CCDC171: variants seen among roughly 807,000 people sequenced by gnomAD.
CCDC171 encodes the protein coiled-coil domain-containing protein 171.
Under a neutral mutation model 168.2 loss-of-function variants are expected in CCDC171, and 177 were observed. The ratio of observed to expected loss-of-function variants is 1.05; its 90% confidence interval spans 0.93 to 1.19. CCDC171 has a LOEUF of 1.19. Among genes scored for constraint, CCDC171 ranks in the 50% most tolerant of loss-of-function variants. CCDC171 has a pLI of 0.00. For synonymous variants in CCDC171, 687 were observed against 540.8 expected (o/e 1.27, Z -3.75); for missense variants, 1,991 against 1,539.0 (o/e 1.29, Z -4.91).
the CCDC171 span, among the ~76,000 whole-genome samples, chr9:16,093,104 A>G: frequency 6.6e-6 from 1 of 152,244 alleles, no homozygotes; most frequent in South Asian, 2.1e-4. Context: ...GGAACCAGAC[A>G]CAACACACCC....
chr9:16,034,972 G>C (rs572887143), intron 6 of CCDC171, among the ~76,000 whole-genome samples: 1 of 152,274 alleles, frequency 6.6e-6, no homozygotes, highest in African/African-American at 2.4e-5. Context: ...TGCAAACACA[G>C]TTCCAAATTG....
intron 24 of CCDC171, among the ~76,000 whole-genome samples, chr9:15,918,319 T>C (rs1455233067): frequency 2.6e-5 from 4 of 151,248 alleles, no homozygotes; most frequent in Non-Finnish European, 5.9e-5. Flanking sequence ...GTTTTGGAAG[T>C]AGACAAGAAA....
chr9:15,712,454 C>A lies in CCDC171; in HGVS notation c.1319-9315C>A, dbSNP rs1278325577. ...GAGAAACATAGTAAGACCAGTGAATCCTATGGAAACAATCTTATTTCCACA... is the reference window on the plus strand; with the variant it reads ...GAGAAACATAGTAAGACCAGTGAATACTATGGAAACAATCTTATTTCCACA... On this transcript the variant is annotated intron_variant, in intron 11 of 25. Coordinates refer to ENST00000380701, the MANE Select transcript of CCDC171 (RefSeq NM_173550.4). 2.6e-5 allele frequency among the ~76,000 whole-genome samples: 4 copies of A among 152,170 alleles called. No homozygotes were observed. The East Asian group carries it at 7.7e-4, about 29-fold the overall frequency.
chr9:15,846,592 C>G, intron 21 of CCDC171, 110 bp from the exon 22 acceptor site: 1 of 1,117,636 alleles, frequency 8.9e-7, no homozygotes, highest in Non-Finnish European at 1.3e-6. Flanking sequence ...TGTAATGACC[C>G]AAGTCTACTT....
chr9:15,590,781 CT>C, intron 4 of CCDC171, among the ~76,000 whole-genome samples: 1 of 127,782 alleles, frequency 7.8e-6, no homozygotes, highest in African/African-American at 2.9e-5. Context: ...CTCTTTCTTT[CT>C]TTCTTTCTTT....
At chr9:16,003,595 A>G (rs142434561) in intron 3 of CCDC171, among the ~76,000 whole-genome samples, 2 of 152,196 alleles carry the variant, frequency 1.3e-5, no homozygotes, top group South Asian at 2.1e-4. Context: ...TTTTCTGAAT[A>G]TATAAAAAGG....
At chr9:16,039,557 G>C (rs533115317), upstream of CCDC171, among the ~76,000 whole-genome samples, 2 of 152,120 alleles carry the variant, frequency 1.3e-5, no homozygotes, top group African/African-American at 4.8e-5. Flanking sequence ...CCTGCAGGTC[G>C]GTAGCCCCAG....
chr9:15,853,177 C>T (rs1037253319), intron 23 of CCDC171, among the ~76,000 whole-genome samples: 1 of 151,572 alleles, frequency 6.6e-6, no homozygotes, highest in African/African-American at 2.4e-5. Context: ...GTATTGTCAT[C>T]TTAACAAAAT....
chr9:15,580,643 T>G (rs2041037031), intron 4 of CCDC171, among the ~76,000 whole-genome samples: 1 of 151,966 alleles, frequency 6.6e-6, no homozygotes, highest in Non-Finnish European at 1.5e-5. Flanking sequence ...TCAATATCAC[T>G]AATTATCAGG....
chr9:15,775,539 C>T (rs545644978), intron 18 of CCDC171, among the ~76,000 whole-genome samples: 7 of 152,224 alleles, frequency 4.6e-5, no homozygotes, highest in South Asian at 2.1e-4. Flanking sequence ...AGGATGGTCT[C>T]GATCTCCTGA....
At chr9:15,753,480 A>G (rs1202489880) in intron 18 of CCDC171, among the ~76,000 whole-genome samples, 1 of 152,146 alleles carries the variant, frequency 6.6e-6, no homozygotes, top group African/African-American at 2.4e-5. Flanking sequence ...GCATGGGGTC[A>G]AATTACAGAG....
At chr9:15,755,606 T>C (rs1332034753) in intron 18 of CCDC171, among the ~76,000 whole-genome samples, 1 of 152,160 alleles carries the variant, frequency 6.6e-6, no homozygotes, top group Non-Finnish European at 1.5e-5. Flanking sequence ...TGATGAAATA[T>C]TATTAGTTCA....
intron 25 of CCDC171, among the ~76,000 whole-genome samples, chr9:15,937,493 C>T (rs1827243260): frequency 6.6e-6 from 1 of 151,884 alleles, no homozygotes; most frequent in Non-Finnish European, 1.5e-5. Context: ...ATAAATATAA[C>T]TATGTATTGT....
intron 6 of CCDC171, among the ~76,000 whole-genome samples, chr9:16,025,385 T>C (rs1237515375): frequency 6.6e-6 from 1 of 152,062 alleles, no homozygotes; most frequent in Non-Finnish European, 1.5e-5. Flanking sequence ...TCCCAGGAGG[T>C]AGAGCTTGCA....
downstream of CCDC171, among the ~76,000 whole-genome samples, chr9:15,974,937 C>T (rs528575171): frequency 6.6e-6 from 1 of 152,140 alleles, no homozygotes; most frequent in African/African-American, 2.4e-5. Flanking sequence ...TCACTGTGCA[C>T]TTATTCTTTT....
rs1168245282 is a variant in CCDC171, at chr9:15,902,262, GTA to G, written c.3601-17989_3601-17988del. Reference sequence around the variant, plus strand: ...ATAAAATTCATATATATATATATATGTATATATATATATATATATACACACAC... The same window carrying G: ...ATAAAATTCATATATATATATATATGTATATATATATATATATACACACAC... On this transcript the variant is annotated intron_variant, in intron 24 of 25. Transcript: ENST00000380701. Among the ~76,000 whole-genome samples the G allele has an allele frequency of 1.9e-3, 274 of 142,984 alleles. 1 individual carries two copies. Among genetic ancestry groups the G allele is most frequent in the South Asian group, 7.3e-3 (34 of 4,676 alleles). The allele number at this position is 142,984 out of a possible 152,430, so 93.8% of individuals were successfully genotyped here. A position where few individuals can be genotyped will look rare whatever the true frequency, so the allele number is the denominator to read the frequency against.
chr9:16,101,684 G>A, the CCDC171 span, among the ~76,000 whole-genome samples: 1 of 152,254 alleles, frequency 6.6e-6, no homozygotes, highest in African/African-American at 2.4e-5. Context: ...AAATTGTCCA[G>A]TGACCTTGAA....
chr9:15,736,065 G>C (rs1052143286), intron 16 of CCDC171, among the ~76,000 whole-genome samples: 1 of 152,026 alleles, frequency 6.6e-6, no homozygotes, highest in Non-Finnish European at 1.5e-5. Context: ...CGAGGAATCT[G>C]AGGTTCAGAC....
intron 11 of CCDC171, among the ~76,000 whole-genome samples, chr9:15,708,125 G>T (rs1480395199): frequency 1.3e-5 from 2 of 151,966 alleles, no homozygotes; most frequent in Non-Finnish European, 2.9e-5. Flanking sequence ...TGGGATTACA[G>T]GCATGAGCCA....
Sources: gnomAD v4.1 joint callset for allele counts (sites outside exome capture counted in the v4.1 genomes callset) on GRCh38, gnomAD v4.1.1 for gene constraint, MANE v1.5 for transcripts, NCBI Gene and HGNC (gene_info 2026-07-23, HGNC 2026-07-21) for gene names.